Variants in GALNTL6 observed in about 807,000 individuals in gnomAD.
The protein encoded by GALNTL6 is polypeptide N-acetylgalactosaminyltransferase like 6.
GALNTL6 carries 46 observed loss-of-function variants against 73.7 expected under a neutral mutation model. That is an observed-to-expected ratio of 0.62 (90% confidence interval 0.49 to 0.80). The LOEUF is 0.80. Among genes scored for constraint, GALNTL6 ranks in the 30% least tolerant of loss-of-function variants. GALNTL6 has a pLI of 0.00. For synonymous variants in GALNTL6, 259 were observed against 263.7 expected (o/e 0.98, Z 0.17); for missense variants, 604 against 755.0 (o/e 0.80, Z 2.34).
At chr4:172,372,487 A>G (rs778691684) in intron 5 of GALNTL6, among the ~76,000 whole-genome samples, 1 of 152,158 alleles carries the variant, frequency 6.6e-6, no homozygotes, top group Non-Finnish European at 1.5e-5. Context: ...TAAGATGGCC[A>G]CCGCCACAAC....
chr4:172,520,697 TAGGG>T (rs984490687), intron 5 of GALNTL6, among the ~76,000 whole-genome samples: 50 of 152,110 alleles, frequency 3.3e-4, no homozygotes, highest in African/African-American at 1.1e-3. Context: ...ACTGTTTTCT[TAGGG>T]AGGACAAGTA....
intron 5 of GALNTL6, among the ~76,000 whole-genome samples, chr4:172,801,640 A>G (rs1215677492): frequency 1.3e-5 from 2 of 152,192 alleles, no homozygotes; most frequent in African/African-American, 4.8e-5. Context: ...ACTACTCCAT[A>G]AGGGGCCATG....
At chr4:172,065,948 G>T (rs34629867) in intron 2 of GALNTL6, among the ~76,000 whole-genome samples, 70,192 of 151,912 alleles carry the variant, frequency 0.46, 17,091 homozygotes, top group East Asian at 0.78. Flanking sequence ...TCTCCACCTG[G>T]TCCCACCCTT....
chr4:171,880,438 T>C (rs1351328885), intron 2 of GALNTL6, among the ~76,000 whole-genome samples: 7 of 152,204 alleles, frequency 4.6e-5, no homozygotes, highest in Non-Finnish European at 1.0e-4. Context: ...TGCTCTTCAC[T>C]ATATTGTTAA....
At chr4:172,923,770 G>A (rs773276444) in intron 8 of GALNTL6, among the ~76,000 whole-genome samples, 1 of 152,154 alleles carries the variant, frequency 6.6e-6, no homozygotes, top group East Asian at 1.9e-4. Context: ...CATGGTGGAA[G>A]GCAAGGAGGA....
At chr4:172,970,847 G>A (rs1365550799) in intron 10 of GALNTL6, among the ~76,000 whole-genome samples, 2 of 152,230 alleles carry the variant, frequency 1.3e-5, no homozygotes, top group Admixed American at 6.5e-5. Flanking sequence ...TTAATGTTCA[G>A]AGATTGCAGT....
At chr4:172,786,091 A>G (rs772946409) in intron 5 of GALNTL6, among the ~76,000 whole-genome samples, 32 of 152,134 alleles carry the variant, frequency 2.1e-4, no homozygotes, top group Admixed American at 4.6e-4. Flanking sequence ...GAAAAAGGCA[A>G]TGACTCCAAA....
intron 2 of GALNTL6, among the ~76,000 whole-genome samples, chr4:171,961,117 A>C (rs1739206985): frequency 6.6e-6 from 1 of 152,144 alleles, no homozygotes; most frequent in Admixed American, 6.6e-5. Context: ...CCCCTGGCAC[A>C]AAGGAAAAAG....
At chr4:172,781,026 G>T (rs917556398) in intron 5 of GALNTL6, among the ~76,000 whole-genome samples, 2 of 152,120 alleles carry the variant, frequency 1.3e-5, no homozygotes, top group Admixed American at 1.3e-4. Context: ...AGGAGACTTG[G>T]GAACACTAAA....
chr4:172,427,916 AT>A (rs1731290826), intron 5 of GALNTL6, among the ~76,000 whole-genome samples: 1 of 152,202 alleles, frequency 6.6e-6, no homozygotes, highest in Non-Finnish European at 1.5e-5. Flanking sequence ...TTTACTGTCT[AT>A]CAATAAATGC....
chr4:172,432,717 C>G (rs920684473), intron 5 of GALNTL6, among the ~76,000 whole-genome samples: 2 of 151,834 alleles, frequency 1.3e-5, no homozygotes, highest in African/African-American at 2.4e-5. Flanking sequence ...TAAATTATAT[C>G]TCCATAAATC....
chr4:172,481,744 T>C (rs1269240174), intron 5 of GALNTL6, among the ~76,000 whole-genome samples: 1 of 152,166 alleles, frequency 6.6e-6, no homozygotes, highest in African/African-American at 2.4e-5. Context: ...CACAGAGTGC[T>C]GATTGGTACA....
At chr4:172,801,090 T>C (rs1303589398) in intron 5 of GALNTL6, among the ~76,000 whole-genome samples, 1 of 152,134 alleles carries the variant, frequency 6.6e-6, no homozygotes. Context: ...CTTAAGAAAA[T>C]ACTGTGGAAA....
chr4:172,300,109 G>C (rs1327799625), intron 3 of GALNTL6, among the ~76,000 whole-genome samples: 1 of 152,132 alleles, frequency 6.6e-6, no homozygotes, highest in African/African-American at 2.4e-5. Context: ...GAATTGATCC[G>C]TTTACCATTA....
chr4:171,968,831 T>G (rs116017212), intron 2 of GALNTL6, among the ~76,000 whole-genome samples: 3,529 of 118,504 alleles, frequency 0.03, 161 homozygotes, highest in African/African-American at 0.09. Flanking sequence ...TATTTTTTTT[T>G]TGTGCGGGGT....
At chr4:172,179,191 A>G (rs868860644) in intron 2 of GALNTL6, among the ~76,000 whole-genome samples, 3,339 of 149,112 alleles carry the variant, frequency 0.022, 124 homozygotes, top group African/African-American at 0.075. Context: ...TGGCTGGGTC[A>G]AATGGTATTT....
intron 10 of GALNTL6, among the ~76,000 whole-genome samples, chr4:173,006,993 A>C (rs1336770306): frequency 1.3e-5 from 2 of 152,222 alleles, no homozygotes; most frequent in Non-Finnish European, 2.9e-5. Flanking sequence ...GCAGTAGCAG[A>C]TGAAGCCAAC....
chr4:172,516,674 C>T (rs1004071925), intron 5 of GALNTL6, among the ~76,000 whole-genome samples: 1 of 152,100 alleles, frequency 6.6e-6, no homozygotes, highest in Non-Finnish European at 1.5e-5. Context: ...AGCAATTTTA[C>T]TTCTATGTAT....
chr4:171,914,499 C>A (rs1254439103), intron 2 of GALNTL6, among the ~76,000 whole-genome samples: 1 of 137,688 alleles, frequency 7.3e-6, no homozygotes, highest in Non-Finnish European at 1.5e-5. Context: ...GGTGTGATCT[C>A]GGCTCACTGC....
Sources: allele counts gnomAD v4.1 joint callset (sites outside exome capture counted in the v4.1 genomes callset), GRCh38; gene constraint gnomAD v4.1.1; transcripts MANE v1.5; gene names NCBI Gene and HGNC (gene_info 2026-07-23, HGNC 2026-07-21).